FYB2: variants seen among roughly 807,000 people sequenced by gnomAD.
FYB2 encodes FYN-binding protein 2.
In FYB2, 103 loss-of-function variants were observed where a neutral mutation model predicts 94.1. That is an observed-to-expected ratio of 1.09 (90% CI 0.93 to 1.29). The LOEUF (loss-of-function observed/expected upper bound fraction) is 1.29, where lower values mean the gene tolerates loss of function less well. Among genes scored for constraint, FYB2 ranks in the 50% most tolerant of loss-of-function variants. The pLI is 0.00. For synonymous variants in FYB2, 293 were observed against 287.9 expected, an observed-to-expected ratio of 1.02 and a Z score of -0.18; for missense variants, 896 against 841.5, an observed-to-expected ratio of 1.06 and a Z score of -0.80.
intron 1 of FYB2, among the ~76,000 whole-genome samples, chr1:56,805,458 T>C (rs901670203): frequency 6.6e-6 from 1 of 152,228 alleles, no homozygotes; most frequent in Non-Finnish European, 1.5e-5. Flanking sequence ...TTGTCGTGTA[T>C]GTTGTCTCAA....
chr1:56,727,734 G>A (rs1644613759), intron 15 of FYB2, among the ~76,000 whole-genome samples: 1 of 152,010 alleles, frequency 6.6e-6, no homozygotes, highest in African/African-American at 2.4e-5. Flanking sequence ...AAGAGGCCAA[G>A]GTATTGGTTA....
intron 2 of FYB2, among the ~76,000 whole-genome samples, chr1:56,791,598 G>C (rs1646267393): frequency 6.6e-6 from 1 of 152,120 alleles, no homozygotes; most frequent in South Asian, 2.1e-4. Context: ...CCAAGAGCTT[G>C]GTGGCAAAAC....
chr1:56,736,957 A>C (rs1020633950), intron 15 of FYB2, 130 bp downstream of exon 15: 1 of 717,446 alleles, frequency 1.4e-6, no homozygotes, highest in Non-Finnish European at 2.3e-6. Context: ...CTTAGTGAGA[A>C]GACTATCTTA....
intron 1 of FYB2, among the ~76,000 whole-genome samples, chr1:56,800,679 G>A (rs1227902347): frequency 6.6e-6 from 1 of 152,042 alleles, no homozygotes; most frequent in African/African-American, 2.4e-5. Context: ...TAAGGTTTCA[G>A]TTAAGTGTTA....
chr1:56,781,193 G>A (rs149000212), intron 4 of FYB2, among the ~76,000 whole-genome samples: 14 of 152,288 alleles, frequency 9.2e-5, no homozygotes, highest in African/African-American at 3.4e-4. Context: ...TTTTGTTGTT[G>A]CTGTTATTAA....
In FYB2 at chr1:56,795,043, C is replaced by G. The variant is rs192643740; in HGVS notation, c.10-2240G>C. 8.6e-5 allele frequency among the ~76,000 whole-genome samples: 13 copies of G among 151,532 alleles called. 1 individual carries two copies. Among genetic ancestry groups the G allele is most frequent in the Admixed American group, 4.6e-4 (7 of 15,248 alleles). On this transcript the variant is annotated intron_variant, in intron 1 of 19. Transcript: ENST00000343433. The stretch of plus-strand genomic sequence containing the variant: ...CTGTACACTTAGAGATCTTAACCAT[C>G]TCTAAGTGTACAGTTTGGCAGTGTT...
chr1:56,720,998 G>A lies in FYB2; in HGVS notation c.1975-669C>T, dbSNP rs75042750. On this transcript the variant is annotated intron_variant, in intron 17 of 19. Coordinates refer to ENST00000343433, the MANE Select transcript of FYB2 (RefSeq NM_001004303.5). The stretch of plus-strand genomic sequence containing the variant: ...ATGCTTTTTCTCTGTGTGAGCTTAT[G>A]TATTCTTATATATAGCTATACTACA... 2.0e-5 allele frequency: 3 copies of A among 152,164 alleles called. No homozygotes were observed. The East Asian group carries it at 5.8e-4, about 29-fold the overall frequency. The allele number at this position is 152,164 out of a possible 1,614,324, so 9.4% of individuals were successfully genotyped here. A position where few individuals can be genotyped will look rare whatever the true frequency, so the allele number is the denominator to read the frequency against.
intron 1 of FYB2, among the ~76,000 whole-genome samples, chr1:56,797,180 T>C (rs576322575): frequency 6.6e-6 from 1 of 151,928 alleles, no homozygotes; most frequent in Admixed American, 6.6e-5. Context: ...GAAGGCACAA[T>C]CTTGGAAACA....
chr1:56,794,061 T>C (rs1231636592), intron 1 of FYB2, among the ~76,000 whole-genome samples: 1 of 152,228 alleles, frequency 6.6e-6, no homozygotes, highest in Non-Finnish European at 1.5e-5. Context: ...AGGCCCATGA[T>C]AAAGAAAAGT....
intron 1 of FYB2, among the ~76,000 whole-genome samples, chr1:56,817,375 C>T (rs1646908063): frequency 6.6e-6 from 1 of 152,214 alleles, no homozygotes; most frequent in South Asian, 2.1e-4. Context: ...TGCTCAAATG[C>T]CACCTTCCAT....
At chr1:56,778,620 C>T (rs1007669192) in intron 4 of FYB2, among the ~76,000 whole-genome samples, 3 of 152,082 alleles carry the variant, frequency 2.0e-5, no homozygotes, top group Non-Finnish European at 2.9e-5. Context: ...TCAGGGTTCT[C>T]ATGGTCTAGA....
At chr1:56,753,990 A>T in intron 7 of FYB2, 55 bp from the exon 8 acceptor site, 1 of 1,080,786 alleles carries the variant, frequency 9.3e-7, no homozygotes, top group Non-Finnish European at 1.4e-6. Flanking sequence ...TTTAAATGAT[A>T]GTGTACTGTC....
intron 4 of FYB2, among the ~76,000 whole-genome samples, chr1:56,779,656 C>T (rs1422895148): frequency 1.3e-5 from 2 of 152,158 alleles, no homozygotes; most frequent in Non-Finnish European, 2.9e-5. Context: ...CATCCTTCTC[C>T]CCATCATTTT....
intron 4 of FYB2, among the ~76,000 whole-genome samples, chr1:56,776,173 CGAT>C (rs1418825302): frequency 6.6e-6 from 1 of 152,056 alleles, no homozygotes; most frequent in East Asian, 1.9e-4. Context: ...AAGCACCAGA[CGAT>C]GGTGAAGGTC....
In FYB2 at chr1:56,777,239, C is replaced by CAAAA. The variant is rs1453236717; in HGVS notation, c.954-9305_954-9302dup. Among the ~76,000 whole-genome samples the CAAAA allele has an allele frequency of 2.3e-3, 11 of 4,800 alleles. 2 individuals are homozygous for CAAAA. The highest frequency in any genetic ancestry group is 0.01 in the Admixed American group (2 of 194). The allele number at this position is 4,800 out of a possible 152,430, so 3.1% of individuals were successfully genotyped here. ...ACAGAGCGAGACTCCGTCTCAAAAA[C>CAAAA]AAAAAAAAAAAAAAAAAAAAAAAAA... On this transcript the variant is annotated intron_variant, in intron 4 of 19. Coordinates refer to ENST00000343433, the MANE Select transcript of FYB2 (RefSeq NM_001004303.5).
At chr1:56,796,951 C>A (rs995412862) in intron 1 of FYB2, among the ~76,000 whole-genome samples, 3 of 152,160 alleles carry the variant, frequency 2.0e-5, no homozygotes, top group Non-Finnish European at 4.4e-5. Flanking sequence ...CAACCCCAAC[C>A]TTTCAGAACT....
intron 12 of FYB2, among the ~76,000 whole-genome samples, chr1:56,741,003 T>C (rs994197910): frequency 2.0e-4 from 30 of 151,972 alleles, no homozygotes; most frequent in African/African-American, 7.2e-4. Context: ...GTTGGAAAGT[T>C]CCCTATTGGG....
At chr1:56,796,273 C>T (rs867982021) in intron 1 of FYB2, among the ~76,000 whole-genome samples, 1 of 151,990 alleles carries the variant, frequency 6.6e-6, no homozygotes, top group Admixed American at 6.6e-5. Context: ...TATCCATCAC[C>T]CATAGGTGGA....
intron 16 of FYB2, among the ~76,000 whole-genome samples, chr1:56,725,559 T>C (rs1644567924): frequency 6.6e-6 from 1 of 152,064 alleles, no homozygotes; most frequent in South Asian, 2.1e-4. Flanking sequence ...TTACTAATAG[T>C]TCATCTCTTG....
Sources: gnomAD v4.1 joint callset for allele counts (sites outside exome capture counted in the v4.1 genomes callset) on GRCh38, gnomAD v4.1.1 for gene constraint, MANE v1.5 for transcripts, NCBI Gene and HGNC (gene_info 2026-07-23, HGNC 2026-07-21) for gene names.